The following GOLGA6L10 variants were observed in gnomAD, a reference collection of about 807,000 sequenced individuals.
The protein encoded by GOLGA6L10 is golgin A6 family like 10, also known as golgin subfamily A member 6-like protein 10.
In GOLGA6L10, 4 loss-of-function variants were observed where a neutral mutation model predicts 56.9. The ratio of observed to expected loss-of-function variants is 0.07; its 90% CI spans 0.03 to 0.16. The LOEUF (loss-of-function observed/expected upper bound fraction) is 0.16, where lower values mean the gene tolerates loss of function less well. Among genes scored for constraint, GOLGA6L10 ranks in the 10% least tolerant of loss-of-function variants. GOLGA6L10 has a pLI of 1.00. For synonymous variants in GOLGA6L10, 11 were observed against 220.9 expected (o/e 0.05, Z 8.43); for missense variants, 34 against 558.3 (o/e 0.06, Z 9.46).
In GOLGA6L10 at chr15:82,340,821, C is replaced by T. The variant is rs2075638358; in HGVS notation, c.*1955G>A. On this transcript the variant is annotated 3_prime_UTR_variant, in exon 9 of 9. Coordinates refer to ENST00000610657, the MANE Select transcript of GOLGA6L10 (RefSeq NM_001164465.3). ...CAGACTGACATTCAGCTTAAATATG[C>T]CAGTATGTGATTTAATCCACAGGTA... 1.3e-5 allele frequency: 2 copies of T among 151,266 alleles called. No homozygotes were observed. The highest frequency in any genetic ancestry group is 1.3e-4 in the Admixed American group (2 of 15,054). 9.4% of individuals were successfully genotyped at this position (151,266 alleles called of 1,614,324 possible). A position where few individuals can be genotyped will look rare whatever the true frequency, so the allele number is the denominator to read the frequency against.
chr15:82,344,073 G>A (rs1235725126), intron 7 of GOLGA6L10, among the ~76,000 whole-genome samples, 188 bp downstream of exon 7: 1 of 150,262 alleles, frequency 6.7e-6, no homozygotes, highest in Admixed American at 6.6e-5. Context: ...GGGCCCCAGG[G>A]CTACCCACCT....
rs2075637007 is a variant in GOLGA6L10, at chr15:82,340,539, C to T, written c.*2237G>A. ...ATTCAAATTTATTCAGTCAAACTCA[C>T]ATTTTAAAATTCTCTCTTTCTGCTG... On this transcript the variant is annotated 3_prime_UTR_variant, in exon 9 of 9. Coordinates refer to ENST00000610657, the MANE Select transcript of GOLGA6L10 (RefSeq NM_001164465.3). 1 of 151,184 alleles carries T rather than the reference C, an allele frequency of 6.6e-6. No homozygotes were observed. Among genetic ancestry groups the T allele is most frequent in the Admixed American group, 6.7e-5 (1 of 14,982 alleles). 9.4% of individuals were successfully genotyped at this position (151,184 alleles called of 1,614,324 possible).
chr15:82,340,388 T>C lies in GOLGA6L10; in HGVS notation c.*2388A>G, dbSNP rs2141421896. ...ATTTTCACATTTTCTAAAAATCAGC[T>C]TTGGTTTTAGAACTGATTGTTTTTC... On this transcript the variant is annotated 3_prime_UTR_variant, in exon 9 of 9. Transcript: ENST00000610657. 6.6e-6 allele frequency: 1 copy of C among 151,696 alleles called. No homozygotes were observed. The highest frequency in any genetic ancestry group is 6.6e-5 in the Admixed American group (1 of 15,104). The allele number at this position is 151,696 out of a possible 1,614,324, so 9.4% of individuals were successfully genotyped here. A position where few individuals can be genotyped will look rare whatever the true frequency, so the allele number is the denominator to read the frequency against.
rs2075634939 is a variant in GOLGA6L10 at position 82,340,178 on chromosome 15, A to G, written c.*2598T>C. 6.6e-6 allele frequency: 1 copy of G among 151,576 alleles called. No homozygotes were observed. Among genetic ancestry groups the G allele is most frequent in the African/African-American group, 2.4e-5 (1 of 41,388 alleles). The allele number at this position is 151,576 out of a possible 1,614,324, so 9.4% of individuals were successfully genotyped here. A position where few individuals can be genotyped will look rare whatever the true frequency, so the allele number is the denominator to read the frequency against. On this transcript the variant is annotated 3_prime_UTR_variant, in exon 9 of 9. Transcript: ENST00000610657. ...CTTGGCAAATACAGCTTTGGACTGG[A>G]ATTGGCATTTCTTTCTCTACTTTTC...
chr15:82,343,667 CTGTTT>C (rs1183803820), intron 7 of GOLGA6L10, among the ~76,000 whole-genome samples: 10 of 150,812 alleles, frequency 6.6e-5, no homozygotes, highest in Non-Finnish European at 1.3e-4. Context: ...TTTTGTTTTT[CTGTTT>C]TGTTTTGTTT....
rs1374371663 is a variant in GOLGA6L10, at chr15:82,344,930, C to T, written c.930G>A (p.Glu310=). The change falls in exon 6 of 9, where the codon GAG becomes GAA. Residue 310 remains glutamate (E), a synonymous_variant. Coordinates refer to ENST00000610657, the MANE Select transcript of GOLGA6L10 (RefSeq NM_001164465.3). ...REQEERLCEQ[E]ERLCEQEERL... ...TCTCCTCCTGTTCACATAGCCTCTC[C>T]TCCTGTTCACATAGCCTCTCCTCCT... The T allele has an allele frequency of 4.1e-5, 51 of 1,229,124 alleles. 1 individual carries two copies. In the East Asian group the frequency reaches 2.1e-3, roughly 50 times the overall value. 76.1% of individuals were successfully genotyped at this position (1,229,124 alleles called of 1,614,324 possible). A position where few individuals can be genotyped will look rare whatever the true frequency, so the allele number is the denominator to read the frequency against.
chr15:82,340,515 T>C lies in GOLGA6L10; in HGVS notation c.*2261A>G. On this transcript the variant is annotated 3_prime_UTR_variant, in exon 9 of 9. Coordinates refer to ENST00000610657, the MANE Select transcript of GOLGA6L10 (RefSeq NM_001164465.3). ...TTTGATTCTTTACTTCCTACAGAAA[T>C]TCAAATTTATTCAGTCAAACTCACA... 6.6e-6 allele frequency: 1 copy of C among 151,234 alleles called. No individual in the cohort carries two copies. The highest frequency in any genetic ancestry group is 3.4e-3 in the Middle Eastern group (1 of 294). 9.4% of individuals were successfully genotyped at this position (151,234 alleles called of 1,614,324 possible). A position where few individuals can be genotyped will look rare whatever the true frequency, so the allele number is the denominator to read the frequency against.
Position 82,340,553 on chromosome 15 carries a change from C to G in GOLGA6L10, c.*2223G>C, listed in dbSNP as rs2568702. On this transcript the variant is annotated 3_prime_UTR_variant, in exon 9 of 9. Transcript: ENST00000610657. ...AGTCAAACTCACATTTTAAAATTCT[C>G]TCTTTCTGCTGAACTCTAACCTTCT... 2.1e-5 allele frequency: 3 copies of G among 144,710 alleles called. No individual in the cohort carries two copies. Among genetic ancestry groups the G allele is most frequent in the East Asian group, 2.0e-4 (1 of 5,056 alleles). The allele number at this position is 144,710 out of a possible 1,614,324, so 9.0% of individuals were successfully genotyped here.
chr15:82,348,512 C>A (rs1255818327), intron 1 of GOLGA6L10, among the ~76,000 whole-genome samples: 2 of 147,766 alleles, frequency 1.4e-5, no homozygotes, highest in African/African-American at 5.1e-5. Flanking sequence ...GAAGTGTAGG[C>A]TTTTCCCACT....
chr15:82,348,422 AG>A (rs2075700923), intron 1 of GOLGA6L10, among the ~76,000 whole-genome samples: 1 of 148,166 alleles, frequency 6.7e-6, no homozygotes, highest in Non-Finnish European at 1.5e-5. Context: ...TCTGGAAAGT[AG>A]AAGCCTGGGA....
chr15:82,340,612 T>G lies in GOLGA6L10; in HGVS notation c.*2164A>C, dbSNP rs1264178778. 2.2e-4 allele frequency: 33 copies of G among 151,430 alleles called. No individual in the cohort carries two copies. Among genetic ancestry groups the G allele is most frequent in the South Asian group, 6.3e-4 (3 of 4,762 alleles). The allele number at this position is 151,430 out of a possible 1,614,324, so 9.4% of individuals were successfully genotyped here. ...CTTCTAAGCAAATTGAAAGCTGCCT[T>G]ATACTGAATGAGGAAGAGAACAAAT... On this transcript the variant is annotated 3_prime_UTR_variant, in exon 9 of 9. Transcript: ENST00000610657.
rs202219708 is a variant in GOLGA6L10 at position 82,345,096 on chromosome 15, T to C, written c.764A>G (p.Glu255Gly). The C allele has an allele frequency of 5.7e-6, 3 of 527,228 alleles. No homozygotes were observed. The highest frequency in any genetic ancestry group is 6.9e-5 in the East Asian group (2 of 29,074). The allele number at this position is 527,228 out of a possible 1,614,324, so 32.7% of individuals were successfully genotyped here. The change falls in exon 6 of 9, where the codon GAG (glutamate) becomes GGG (glycine). Residue 255 changes from glutamate to glycine, a missense_variant. Glu to Gly is a moderately conservative substitution (Grantham distance 98). Transcript: ENST00000610657. The part of the protein sequence containing the change: ...EQEERLCEQE[E>G]RLREQEERLC... ...CCTCTCCTCCTGTTCACGTAGCCTCTCCTCCTGTTCACACAGCCTCTCCTC... is the reference window on the plus strand; with the variant it reads ...CCTCTCCTCCTGTTCACGTAGCCTCCCCTCCTGTTCACACAGCCTCTCCTC...
intron 7 of GOLGA6L10, 118 bp downstream of exon 7, chr15:82,344,140 TGGG>T (rs2075659882): frequency 3.2e-6 from 2 of 631,986 alleles, no homozygotes; most frequent in Admixed American, 5.5e-5. Flanking sequence ...CGGAGGGTGC[TGGG>T]GTCACCTGTC....
intron 7 of GOLGA6L10, among the ~76,000 whole-genome samples, chr15:82,344,021 C>G (rs1364074607): frequency 6.6e-6 from 1 of 150,390 alleles, no homozygotes; most frequent in Non-Finnish European, 1.5e-5. Context: ...TTGGGGGGCT[C>G]CATGCCTCTA....
chr15:82,340,630 GAACA>G lies in GOLGA6L10; in HGVS notation c.*2142_*2145del. The G allele has an allele frequency of 6.6e-6, 1 of 151,416 alleles. No homozygotes were observed. The highest frequency in any genetic ancestry group is 1.9e-4 in the East Asian group (1 of 5,146). The allele number at this position is 151,416 out of a possible 1,614,324, so 9.4% of individuals were successfully genotyped here. On this transcript the variant is annotated 3_prime_UTR_variant, in exon 9 of 9. Coordinates refer to ENST00000610657, the MANE Select transcript of GOLGA6L10 (RefSeq NM_001164465.3). Reference sequence around the variant, plus strand: ...GCTGCCTTATACTGAATGAGGAAGAGAACAAATACTTGGCTGAATGAGGTACTGC... The same window carrying G: ...GCTGCCTTATACTGAATGAGGAAGAGAATACTTGGCTGAATGAGGTACTGC...
chr15:82,344,030 T>C (rs1472710765), intron 7 of GOLGA6L10, among the ~76,000 whole-genome samples: 1 of 150,410 alleles, frequency 6.6e-6, no homozygotes, highest in Non-Finnish European at 1.5e-5. Context: ...TCCATGCCTC[T>C]AGCTGGGATG....
rs2075643471 is a variant in GOLGA6L10, at chr15:82,342,112, C to T, written c.*664G>A. The T allele has an allele frequency of 1.3e-5, 2 of 152,738 alleles. No individual in the cohort carries two copies. The highest frequency in any genetic ancestry group is 2.6e-5 in the African/African-American group (1 of 38,832). The allele number at this position is 152,738 out of a possible 1,614,324, so 9.5% of individuals were successfully genotyped here. A position where few individuals can be genotyped will look rare whatever the true frequency, so the allele number is the denominator to read the frequency against. ...TAAAAACCTCCCCAAAATGTTATTA[C>T]TCCCATCCCCAATACACAGAAAAAG... On this transcript the variant is annotated 3_prime_UTR_variant, in exon 9 of 9. Transcript: ENST00000610657.
At chr15:82,343,413 T>G in intron 7 of GOLGA6L10, among the ~76,000 whole-genome samples, 193 bp from the exon 8 acceptor site, 2 of 151,144 alleles carry the variant, frequency 1.3e-5, no homozygotes, top group South Asian at 4.3e-4. Context: ...CTCACGTCCT[T>G]TTTCCCAGCA....
chr15:82,347,813 G>A (rs1386231282), intron 1 of GOLGA6L10, among the ~76,000 whole-genome samples, 184 bp from the exon 2 acceptor site: 16 of 147,974 alleles, frequency 1.1e-4, no homozygotes, highest in Non-Finnish European at 1.6e-4. Flanking sequence ...AAAAAAAAAA[G>A]AAAGATCAAA....
Sources: allele counts gnomAD v4.1 joint callset (sites outside exome capture counted in the v4.1 genomes callset), GRCh38; gene constraint gnomAD v4.1.1; transcripts MANE v1.5; gene names NCBI Gene and HGNC (gene_info 2026-07-23, HGNC 2026-07-21).